The following LMTK3 variants were observed in gnomAD, a reference collection of about 807,000 sequenced individuals.
The protein encoded by LMTK3 is lemur tail kinase 3.
In LMTK3, 27 loss-of-function variants were observed where a neutral mutation model predicts 116.7. That is an observed-to-expected ratio of 0.23 (90% confidence interval 0.17 to 0.32). The LOEUF is 0.32. Ranked by LOEUF, LMTK3 falls within the 10% of genes least tolerant of loss-of-function variation. The pLI is 1.00. For synonymous variants in LMTK3, 965 were observed against 971.0 expected (o/e 0.99, Z 0.11); for missense variants, 1,764 against 2,068.5 (o/e 0.85, Z 2.86).
upstream of LMTK3, chr19:48,513,124 G>A (rs1161223432): frequency 1.3e-6 from 2 of 1,590,634 alleles, no homozygotes; most frequent in Non-Finnish European, 1.7e-6. The surrounding 1 kb of genome is among the most constrained non-coding windows in gnomAD (Gnocchi z 5.6). Context: ...CAGACACACG[G>A]GTCGCAAATA....
At position 48,491,395 on chromosome 19, in the gene LMTK3, C is replaced by G. The variant is rs1346648078; in HGVS notation, c.4228+9G>C. The G allele has an allele frequency of 4.3e-6, 6 of 1,401,376 alleles. No homozygotes were observed. Among genetic ancestry groups the G allele is most frequent in the Non-Finnish European group, 4.6e-6 (5 of 1,077,868 alleles). 86.8% of individuals were successfully genotyped at this position (1,401,376 alleles called of 1,614,324 possible). A position where few individuals can be genotyped will look rare whatever the true frequency, so the allele number is the denominator to read the frequency against. The stretch of plus-strand genomic sequence containing the variant: ...CCGCCCCCTCCCGCCCCATAGGGCC[C>G]GTCCTCACCAAAGCCGCTGTCGTTG... On this transcript the variant is annotated intron_variant, in intron 13 of 14. Transcript: ENST00000600059. The surrounding 1 kb of genome is among the most constrained non-coding windows in gnomAD (Gnocchi z 5.1).
rs1221140620 is a variant in LMTK3, at chr19:48,485,589, C to T, written c.*184G>A. On this transcript the variant is annotated 3_prime_UTR_variant, in exon 15 of 15. Coordinates refer to ENST00000600059, the MANE Select transcript of LMTK3 (RefSeq NM_001388485.1). ...GGGGTCAGGGGAGCCATCTGGGGGGCTGGGGGGCGGGGGCCCGGGGCCTCC... is the reference window on the plus strand; with the variant it reads ...GGGGTCAGGGGAGCCATCTGGGGGGTTGGGGGGCGGGGGCCCGGGGCCTCC... The T allele has an allele frequency of 3.8e-5, 17 of 451,088 alleles. No homozygotes were observed. Among genetic ancestry groups the T allele is most frequent in the South Asian group, 3.5e-4 (16 of 45,284 alleles). 27.9% of individuals were successfully genotyped at this position (451,088 alleles called of 1,614,324 possible).
chr19:48,498,481 A>T lies in LMTK3; in HGVS notation c.2588T>A (p.Leu863Gln). The T allele has an allele frequency of 6.3e-7, 1 of 1,599,908 alleles. No homozygotes were observed. Among genetic ancestry groups the T allele is most frequent in the Non-Finnish European group, 8.5e-7 (1 of 1,173,344 alleles). ...FVVQVSTEQL[L>Q]MSLREDVTRN... ...TGTCACATCCTCCCGCAGGGACATCAGCAGCTGTTCCGTGCTCACTTGAAC... is the reference window on the plus strand; with the variant it reads ...TGTCACATCCTCCCGCAGGGACATCTGCAGCTGTTCCGTGCTCACTTGAAC... Residue 863 changes from leucine to glutamine, a missense_variant, in exon 11 of 15, where the codon CTG (leucine) becomes CAG (glutamine). Transcript: ENST00000600059.
intron 5 of LMTK3, among the ~76,000 whole-genome samples, chr19:48,508,512 A>C (rs1410770613): frequency 6.6e-6 from 1 of 152,098 alleles, no homozygotes; most frequent in Non-Finnish European, 1.5e-5. Context: ...CTGGTACCCA[A>C]CATTGGACAT....
In LMTK3 at chr19:48,505,785, C is replaced by T. The variant is rs182648366; in HGVS notation, c.558-2789G>A. ...CTGAGGCAGGAGAATTGCTTGCACC[C>T]GGGAGGCGGAGATTGCAGTGAGCTG... On this transcript the variant is annotated intron_variant, in intron 5 of 14. Coordinates refer to ENST00000600059, the MANE Select transcript of LMTK3 (RefSeq NM_001388485.1). 4.5e-3 allele frequency among the ~76,000 whole-genome samples: 683 copies of T among 150,784 alleles called. 6 individuals carry two copies. The highest frequency in any genetic ancestry group is 0.016 in the African/African-American group (648 of 40,966).
At chr19:48,502,393 C>A (rs755225221) in intron 7 of LMTK3, 40 bp downstream of exon 7, 2 of 1,591,924 alleles carry the variant, frequency 1.3e-6, no homozygotes, top group Non-Finnish European at 1.7e-6. Flanking sequence ...CTTCCCCCTT[C>A]CCCTTAGTAG....
Position 48,498,990 on chromosome 19 carries a change from TC to T in LMTK3, c.2078del (p.Gly693GlufsTer165), listed in dbSNP as rs1196162570. 1 of 1,371,720 alleles carries T rather than the reference TC, an allele frequency of 7.3e-7. No homozygotes were observed. Among genetic ancestry groups the T allele is most frequent in the Non-Finnish European group, 9.4e-7 (1 of 1,062,122 alleles). The allele number at this position is 1,371,720 out of a possible 1,614,324, so 85.0% of individuals were successfully genotyped here. On this transcript the variant is annotated frameshift_variant, in exon 11 of 15. Coordinates refer to ENST00000600059, the MANE Select transcript of LMTK3 (RefSeq NM_001388485.1). LOFTEE classifies it high-confidence loss of function. The stretch of plus-strand genomic sequence containing the variant: ...GGGGGCAGCCAAGAGCAGGGTGGCC[TC>T]CCCAGCCTGCTACGGCGTCCCCCCG... ...LERGDAVAGW[G>X]GHPALGCPHP... is the part of the protein sequence containing the mutation.
upstream of LMTK3, chr19:48,513,065 AAC>A (rs756630740): frequency 8.3e-5 from 100 of 1,198,748 alleles, no homozygotes; most frequent in Admixed American, 3.9e-4. This position sits in a 1 kb window ranked among gnomAD's most constrained non-coding sequence, Gnocchi z 5.6. Flanking sequence ...TGGCACACAT[AAC>A]ACATACAAAG....
Position 48,491,602 on chromosome 19 carries a change from C to A in LMTK3, c.4093-63G>T. ...ACCTTCACGTCCCATTTACCGCATC[C>A]CCCAAAAGCAACAAAACCGGCTAAT... On this transcript the variant is annotated intron_variant, in intron 12 of 14. Coordinates refer to ENST00000600059, the MANE Select transcript of LMTK3 (RefSeq NM_001388485.1). This position sits in a 1 kb window ranked among gnomAD's most constrained non-coding sequence, Gnocchi z 5.1. 4 of 1,266,472 alleles carry A rather than the reference C, an allele frequency of 3.2e-6. No individual in the cohort carries two copies. The highest frequency in any genetic ancestry group is 4.0e-6 in the Non-Finnish European group (4 of 992,200). The allele number at this position is 1,266,472 out of a possible 1,614,324, so 78.5% of individuals were successfully genotyped here. A position where few individuals can be genotyped will look rare whatever the true frequency, so the allele number is the denominator to read the frequency against.
chr19:48,513,036 C>A, upstream of LMTK3: 1 of 933,888 alleles, frequency 1.1e-6, no homozygotes. This position sits in a 1 kb window ranked among gnomAD's most constrained non-coding sequence, Gnocchi z 5.6. Flanking sequence ...AGTCACACAT[C>A]ACATACATAA....
chr19:48,498,925 C>T lies in LMTK3; in HGVS notation c.2144G>A (p.Gly715Asp), dbSNP rs1972399809. The T allele has an allele frequency of 7.7e-7, 1 of 1,294,396 alleles. No individual in the cohort carries two copies. The highest frequency in any genetic ancestry group is 9.8e-7 in the Non-Finnish European group (1 of 1,025,034). 80.2% of individuals were successfully genotyped at this position (1,294,396 alleles called of 1,614,324 possible). Residue 715 changes from glycine (G) to aspartate (D), a missense_variant, in exon 11 of 15, where the codon GGC becomes GAC. Around this residue, in one of 7 missense-constraint regions of LMTK3, gnomAD observed 1,028 missense variants for 1,050.6 expected, o/e 0.98. Transcript: ENST00000600059. Reference sequence around the variant, plus strand: ...GGCCATGGGCAAGTCGGCCAGGGAGCCCCGCTCTGCCCGCAGCGAGGAGTC... The same window carrying T: ...GGCCATGGGCAAGTCGGCCAGGGAGTCCCGCTCTGCCCGCAGCGAGGAGTC... The part of the protein sequence containing the change: ...EDDSSLRAER[G>D]SLADLPMAPP...
At position 48,491,981 on chromosome 19, in the gene LMTK3, C is replaced by T. The variant is rs574275629; in HGVS notation, c.4093-442G>A. Among the ~76,000 whole-genome samples the T allele has an allele frequency of 6.6e-6, 1 of 151,918 alleles. No homozygotes were observed. The highest frequency in any genetic ancestry group is 1.5e-5 in the Non-Finnish European group (1 of 67,972). On this transcript the variant is annotated intron_variant, in intron 12 of 14. Transcript: ENST00000600059. This position sits in a 1 kb window ranked among gnomAD's most constrained non-coding sequence, Gnocchi z 5.1. ...TGCCGTGCTGGATGCTGTGACCCTG[C>T]CCCTGAGCCCTCCCTCAGAAGTAGA...
chr19:48,497,823 C>G lies in LMTK3; in HGVS notation c.3246G>C (p.Gly1082=), dbSNP rs1359010770. 1.4e-6 allele frequency: 2 copies of G among 1,397,360 alleles called. No individual in the cohort carries two copies. 86.6% of individuals were successfully genotyped at this position (1,397,360 alleles called of 1,614,324 possible). Residue 1082 remains glycine (G), a synonymous_variant, in exon 11 of 15, where the codon GGG becomes GGC. Transcript: ENST00000600059. The surrounding 1 kb of genome is among the most constrained non-coding windows in gnomAD (Gnocchi z 5.7). ...TCCTCTCGGTCCCGGGTTCCAGCGTCCCGTTCTTGGGGGCTGGGCCAAGGG... is the reference window on the plus strand; with the variant it reads ...TCCTCTCGGTCCCGGGTTCCAGCGTGCCGTTCTTGGGGGCTGGGCCAAGGG... ...PGPLGPAPKN[G]TLEPGTERRA...
At position 48,500,509 on chromosome 19, in the gene LMTK3, AGG is replaced by A. The variant is rs1050749020; in HGVS notation, c.1151+485_1151+486del. 5.3e-5 allele frequency among the ~76,000 whole-genome samples: 8 copies of A among 152,046 alleles called. No individual in the cohort carries two copies. The highest frequency in any genetic ancestry group is 8.8e-5 in the Non-Finnish European group (6 of 68,008). ...GAGGGGGACAGAGACCTAGAGAGAGAGGGAAACATAGACCCAAAAAGTGGGGC... is the reference window on the plus strand; with the variant it reads ...GAGGGGGACAGAGACCTAGAGAGAGAGAAACATAGACCCAAAAAGTGGGGC... On this transcript the variant is annotated intron_variant, in intron 10 of 14. Coordinates refer to ENST00000600059, the MANE Select transcript of LMTK3 (RefSeq NM_001388485.1). The surrounding 1 kb of genome is among the most constrained non-coding windows in gnomAD (Gnocchi z 4.0).
chr19:48,498,959 G>T lies in LMTK3; in HGVS notation c.2110C>A (p.Pro704Thr). ...GCCCGCAGCGAGGAGTCGTCCTCGGGGGGGTGGGGGCAGCCAAGAGCAGGG... is the reference window on the plus strand; with the variant it reads ...GCCCGCAGCGAGGAGTCGTCCTCGGTGGGGTGGGGGCAGCCAAGAGCAGGG... Reference protein sequence around the residue: ...GHPALGCPHPPEDDSSLRAER... With the variant: ...GHPALGCPHPTEDDSSLRAER... The change falls in exon 11 of 15, where the codon CCC becomes ACC. Residue 704 changes from proline (P) to threonine (T), a missense_variant. Physicochemically the swap from Pro to Thr is conservative, Grantham distance 38 (BLOSUM62 -1). This residue lies in a region of LMTK3 where 1,028 missense variants were observed against 1,050.6 expected (regional missense o/e 0.98). Coordinates refer to ENST00000600059, the MANE Select transcript of LMTK3 (RefSeq NM_001388485.1). 7.6e-7 allele frequency: 1 copy of T among 1,323,584 alleles called. No individual in the cohort carries two copies. The highest frequency in any genetic ancestry group is 9.6e-7 in the Non-Finnish European group (1 of 1,039,488). The allele number at this position is 1,323,584 out of a possible 1,614,324, so 82.0% of individuals were successfully genotyped here. A position where few individuals can be genotyped will look rare whatever the true frequency, so the allele number is the denominator to read the frequency against.
At chr19:48,508,170 G>A (rs142465964) in intron 5 of LMTK3, among the ~76,000 whole-genome samples, 22 of 152,266 alleles carry the variant, frequency 1.4e-4, no homozygotes, top group Admixed American at 3.3e-4. Flanking sequence ...CGCAGGGCCT[G>A]TGGGCTGTCA....
intron 11 of LMTK3, among the ~76,000 whole-genome samples, chr19:48,496,138 C>A (rs1314860064): frequency 6.6e-6 from 1 of 152,122 alleles, no homozygotes; most frequent in Admixed American, 6.6e-5. Flanking sequence ...GAGACAGAGT[C>A]TTGCTCTGTC....
intron 3 of LMTK3, 50 bp from the exon 4 acceptor site, chr19:48,509,563 T>G: frequency 6.8e-7 from 1 of 1,466,762 alleles, no homozygotes; most frequent in Non-Finnish European, 9.2e-7. Flanking sequence ...CCTTCCTGAG[T>G]GCTACCAACA....
Position 48,485,797 on chromosome 19 carries a change from T to C in LMTK3, c.4367-8A>G, listed in dbSNP as rs1170353796. The C allele has an allele frequency of 6.2e-7, 1 of 1,608,296 alleles. No individual in the cohort carries two copies. Among genetic ancestry groups the C allele is most frequent in the Middle Eastern group, 1.7e-4 (1 of 6,032 alleles). On this transcript the variant is annotated splice_region_variant and splice_polypyrimidine_tract_variant and intron_variant, in intron 14 of 14. Coordinates refer to ENST00000600059, the MANE Select transcript of LMTK3 (RefSeq NM_001388485.1). Reference sequence around the variant, plus strand: ...ATCAATTCTCCACGGGGCCTGAGGATGGACAGAGGAGACAGAGAAATGAAA... The same window carrying C: ...ATCAATTCTCCACGGGGCCTGAGGACGGACAGAGGAGACAGAGAAATGAAA...
Sources: allele counts gnomAD v4.1 joint callset (sites outside exome capture counted in the v4.1 genomes callset), GRCh38; gene constraint gnomAD v4.1.1; regional missense constraint gnomAD v4.1.1; non-coding constraint Gnocchi (gnomAD v3.1); transcripts MANE v1.5; gene names NCBI Gene and HGNC (gene_info 2026-07-23, HGNC 2026-07-21).